CPNE4: variants seen among roughly 807,000 people sequenced by gnomAD.
CPNE4 encodes copine 4.
A neutral mutation model predicts 67.9 loss-of-function variants in CPNE4; 25 were observed. The ratio of observed to expected loss-of-function variants is 0.37; its 90% CI spans 0.27 to 0.51. The LOEUF is 0.51. Ranked by LOEUF, CPNE4 falls within the 20% of genes least tolerant of loss-of-function variation. The pLI is 0.93. For synonymous variants in CPNE4, 242 were observed against 244.9 expected (o/e 0.99, Z 0.11); for missense variants, 464 against 690.8 (o/e 0.67, Z 3.68).
At chr3:131,569,843 A>C (rs1025537046) in intron 10 of CPNE4, among the ~76,000 whole-genome samples, 1 of 151,904 alleles carries the variant, frequency 6.6e-6, no homozygotes, top group African/African-American at 2.4e-5. Flanking sequence ...AGGTAAGAGA[A>C]AGCAATATTA....
At chr3:131,923,043 G>T (rs2070784857) in intron 1 of CPNE4, among the ~76,000 whole-genome samples, 1 of 152,156 alleles carries the variant, frequency 6.6e-6, no homozygotes. Context: ...AAACAAATAG[G>T]TTTAATTATA....
intron 2 of CPNE4, among the ~76,000 whole-genome samples, chr3:131,807,691 A>C (rs1433312043): frequency 6.6e-6 from 1 of 152,178 alleles, no homozygotes; most frequent in Non-Finnish European, 1.5e-5. Context: ...CATGGCCATT[A>C]ATATCTTAAT....
At chr3:131,700,182 G>A (rs1317031216) in intron 3 of CPNE4, among the ~76,000 whole-genome samples, 1 of 150,092 alleles carries the variant, frequency 6.7e-6, no homozygotes, top group Non-Finnish European at 1.5e-5. Flanking sequence ...TATGGTGTGT[G>A]ATATGAGAGA....
In CPNE4 at chr3:131,542,682, C is replaced by T. The variant is rs767138964; in HGVS notation, c.1414G>A (p.Val472Ile). Residue 472 changes from valine (V) to isoleucine (I), a missense_variant, in exon 15 of 16, where the codon GTA (valine) becomes ATA (isoleucine). Transcript: ENST00000429747. Reference protein sequence around the residue: ...HLPMSVIIVGVGNADFSDMQM... With the variant: ...HLPMSVIIVGIGNADFSDMQM... ...ATGTCACTGAAGTCAGCGTTCCCTA[C>T]TCCCACGATGATGACTGACATGGGG... 1.2e-5 allele frequency: 20 copies of T among 1,614,048 alleles called. No individual in the cohort carries two copies. Among genetic ancestry groups the T allele is most frequent in the African/African-American group, 1.1e-4 (8 of 75,022 alleles).
intron 1 of CPNE4, among the ~76,000 whole-genome samples, chr3:131,969,573 TTTTC>T (rs2107943284): frequency 6.6e-6 from 1 of 152,278 alleles, no homozygotes; most frequent in African/African-American, 2.4e-5. Flanking sequence ...TTCTGATTTT[TTTTC>T]TTTCTTCTCA....
At chr3:132,024,483 T>C (rs1919981) in intron 1 of CPNE4, among the ~76,000 whole-genome samples, 101,837 of 151,874 alleles carry the variant, frequency 0.67, 34,943 homozygotes, top group South Asian at 0.74. Context: ...TGGAGCAAAA[T>C]GGTTTTTAAG....
intron 10 of CPNE4, among the ~76,000 whole-genome samples, chr3:131,572,695 A>T (rs1937398153): frequency 6.6e-6 from 1 of 151,960 alleles, no homozygotes; most frequent in Non-Finnish European, 1.5e-5. Flanking sequence ...GGAGACAAAA[A>T]GTTTGTGTTG....
chr3:132,009,847 A>G (rs910842240), intron 1 of CPNE4, among the ~76,000 whole-genome samples: 5 of 152,348 alleles, frequency 3.3e-5, no homozygotes, highest in African/African-American at 9.6e-5. Flanking sequence ...AAGATGGGGA[A>G]GCTGCTATTA....
intron 2 of CPNE4, among the ~76,000 whole-genome samples, chr3:131,775,308 CAT>C (rs1450178277): frequency 2.6e-5 from 4 of 152,038 alleles, no homozygotes; most frequent in African/African-American, 9.7e-5. Context: ...TTTTTTGAGA[CAT>C]GTTTCAGTTA....
chr3:131,963,156 G>A (rs139476930), intron 1 of CPNE4, among the ~76,000 whole-genome samples: 231 of 152,126 alleles, frequency 1.5e-3, no homozygotes, highest in African/African-American at 5.3e-3. Flanking sequence ...GGAGCTGGGG[G>A]AGCCCCCCTC....
chr3:131,848,044 T>C (rs2086073316), intron 2 of CPNE4, among the ~76,000 whole-genome samples: 1 of 152,172 alleles, frequency 6.6e-6, no homozygotes, highest in African/African-American at 2.4e-5. Context: ...AGTACCCCTC[T>C]TGTGCTCATA....
intron 2 of CPNE4, among the ~76,000 whole-genome samples, chr3:131,744,798 A>G (rs2082447126): frequency 6.6e-6 from 1 of 152,188 alleles, no homozygotes; most frequent in Admixed American, 6.5e-5. Flanking sequence ...GTACAATTCC[A>G]TGATATAGAT....
intron 5 of CPNE4, among the ~76,000 whole-genome samples, chr3:131,686,991 C>G (rs1382851176): frequency 6.6e-6 from 1 of 152,086 alleles, no homozygotes; most frequent in Non-Finnish European, 1.5e-5. Flanking sequence ...ACTAGGCTTC[C>G]CAGACTTTCT....
chr3:131,667,487 C>G (rs569295681), intron 7 of CPNE4, among the ~76,000 whole-genome samples: 2 of 151,918 alleles, frequency 1.3e-5, no homozygotes, highest in Admixed American at 6.6e-5. Context: ...ATGCTACTGG[C>G]ATCTAGTAGC....
upstream of CPNE4, among the ~76,000 whole-genome samples, chr3:132,035,886 G>C (rs543400096): frequency 3.3e-5 from 5 of 152,276 alleles, no homozygotes; most frequent in South Asian, 1.0e-3. Flanking sequence ...ACGTGGAGGG[G>C]AGATGGAAGG....
chr3:131,893,412 GTCA>G (rs376703759), intron 2 of CPNE4, among the ~76,000 whole-genome samples: 1 of 151,990 alleles, frequency 6.6e-6, no homozygotes, highest in Non-Finnish European at 1.5e-5. Flanking sequence ...TAATGTACAG[GTCA>G]TCGAGACAAA....
intron 4 of CPNE4, among the ~76,000 whole-genome samples, chr3:131,698,803 G>A (rs1187794143): frequency 4.0e-5 from 6 of 151,220 alleles, no homozygotes; most frequent in Non-Finnish European, 7.4e-5. Context: ...CCAGCTACTT[G>A]GGAGGCTGAG....
intron 2 of CPNE4, among the ~76,000 whole-genome samples, chr3:131,884,560 G>A (rs2054322): frequency 0.98 from 149,692 of 152,266 alleles, 73,648 homozygotes; most frequent in Middle Eastern, 1. Context: ...AGCAGGTTCC[G>A]CTCATATTGA....
chr3:131,672,738 C>T (rs888437569), intron 6 of CPNE4, among the ~76,000 whole-genome samples: 1 of 151,640 alleles, frequency 6.6e-6, no homozygotes, highest in Non-Finnish European at 1.5e-5. Context: ...TGGTTATTAA[C>T]CCCCTGTCAG....
Sources: gnomAD v4.1 joint callset for allele counts (sites outside exome capture counted in the v4.1 genomes callset) on GRCh38, gnomAD v4.1.1 for gene constraint, MANE v1.5 for transcripts, NCBI Gene and HGNC (gene_info 2026-07-23, HGNC 2026-07-21) for gene names.